The following CRIP2 variants were observed in gnomAD, a reference collection of about 807,000 sequenced individuals.
The protein encoded by CRIP2 is cysteine-rich protein 2.
CRIP2 carries 31 observed loss-of-function variants against 31.3 expected under a neutral mutation model. The observed-to-expected ratio is 0.99, with a 90% CI of 0.74 to 1.34. The LOEUF (loss-of-function observed/expected upper bound fraction) is 1.34, where lower values mean the gene tolerates loss of function less well. Ranked by LOEUF, CRIP2 falls within the 40% of genes most tolerant of loss-of-function variation. The pLI is 0.00. For missense variants in CRIP2, 389 were observed against 301.6 expected (o/e 1.29, Z -2.15); for synonymous variants, 177 against 127.2 (o/e 1.39, Z -2.63).
In CRIP2 at chr14:105,479,623, C is replaced by A. The variant is rs782806169; in HGVS notation, c.597C>A (p.Asp199Glu). The stretch of plus-strand genomic sequence containing the variant: ...GTGCGGTGGGCAGCTACATCTATGA[C>A]CGGGACCCCGAAGGCAAGGTCCAGC... ...NTGAVGSYIY[D>E]RDPEGKVQP Residue 199 changes from aspartate to glutamate, a missense_variant, in exon 8 of 8, where the codon GAC becomes GAA. Transcript: ENST00000329146. 1 of 1,612,708 alleles carries A rather than the reference C, an allele frequency of 6.2e-7. No individual in the cohort carries two copies. The highest frequency in any genetic ancestry group is 1.1e-5 in the South Asian group (1 of 91,070).
At chr14:105,475,292 G>A (rs2083908855) in intron 1 of CRIP2, 1 of 193,202 alleles carries the variant, frequency 5.2e-6, no homozygotes, top group Non-Finnish European at 1.1e-5. Context: ...CGTCCCGCGC[G>A]CTCCCGTGGG....
At position 105,478,644 on chromosome 14, in the gene CRIP2, C is replaced by G. The variant is rs2084008663; in HGVS notation, c.197-87C>G. On this transcript the variant is annotated intron_variant, in intron 3 of 7. Transcript: ENST00000329146. The surrounding 1 kb of genome is among the most constrained non-coding windows in gnomAD (Gnocchi z 4.9). ...GCCACCCTGGAAAGCCTAGTGCCCCCCAGTCCCCAGCGGGCCGTTTTCTGA... is the reference window on the plus strand; with the variant it reads ...GCCACCCTGGAAAGCCTAGTGCCCCGCAGTCCCCAGCGGGCCGTTTTCTGA... 1 of 1,477,636 alleles carries G rather than the reference C, an allele frequency of 6.8e-7. No individual in the cohort carries two copies. The allele number at this position is 1,477,636 out of a possible 1,614,324, so 91.5% of individuals were successfully genotyped here.
rs1247910037 is a variant in CRIP2, at chr14:105,478,166, G to C, written c.44-100G>C. 3 of 947,500 alleles carry C rather than the reference G, an allele frequency of 3.2e-6. No homozygotes were observed. In the African/African-American group the frequency reaches 5.3e-5, roughly 17 times the overall value. The allele number at this position is 947,500 out of a possible 1,614,324, so 58.7% of individuals were successfully genotyped here. A position where few individuals can be genotyped will look rare whatever the true frequency, so the allele number is the denominator to read the frequency against. ...GCGCCTGGGAGACCTCCTGAAAGTG[G>C]GGACCCCCGGAGCGCGTGGGGGTGG... On this transcript the variant is annotated intron_variant, in intron 1 of 7. Transcript: ENST00000329146. This position sits in a 1 kb window ranked among gnomAD's most constrained non-coding sequence, Gnocchi z 4.9.
rs1171311208 is a variant in CRIP2, at chr14:105,474,879, C to T, written c.17C>T (p.Pro6Leu). ...GCACCGACCATGGCCTCCAAATGCCCCAAGTGCGACAAGACCGTGTACTTC... is the reference window on the plus strand; with the variant it reads ...GCACCGACCATGGCCTCCAAATGCCTCAAGTGCGACAAGACCGTGTACTTC... MASKC[P>L]KCDKTVYFAE... The change falls in exon 1 of 8, where the codon CCC (proline) becomes CTC (leucine). Residue 6 changes from proline (P) to leucine (L), a missense_variant. Physicochemically the swap from Pro to Leu is moderately conservative, Grantham distance 98. Coordinates refer to ENST00000329146, the MANE Select transcript of CRIP2 (RefSeq NM_001312.4). The surrounding 1 kb of genome is among the most constrained non-coding windows in gnomAD (Gnocchi z 5.1). 6.6e-6 allele frequency: 10 copies of T among 1,518,860 alleles called. No homozygotes were observed. Among genetic ancestry groups the T allele is most frequent in the Middle Eastern group, 1.7e-4 (1 of 5,810 alleles). 94.1% of individuals were successfully genotyped at this position (1,518,860 alleles called of 1,614,324 possible).
Position 105,478,026 on chromosome 14 carries a change from T to C in CRIP2, c.44-240T>C, listed in dbSNP as rs969929191. 6.6e-6 allele frequency among the ~76,000 whole-genome samples: 1 copy of C among 151,474 alleles called. No individual in the cohort carries two copies. The highest frequency in any genetic ancestry group is 1.5e-5 in the Non-Finnish European group (1 of 67,814). On this transcript the variant is annotated intron_variant, in intron 1 of 7. Coordinates refer to ENST00000329146, the MANE Select transcript of CRIP2 (RefSeq NM_001312.4). This position sits in a 1 kb window ranked among gnomAD's most constrained non-coding sequence, Gnocchi z 4.9. ...CCCCGGGCCCCTTCTCAAAGGCGGCTCTAGCGGGGTTCCAGGGCTGGGGGC... is the reference window on the plus strand; with the variant it reads ...CCCCGGGCCCCTTCTCAAAGGCGGCCCTAGCGGGGTTCCAGGGCTGGGGGC...
In CRIP2 at chr14:105,479,487, C is replaced by G; in HGVS notation, c.553C>G (p.Pro185Ala). The G allele has an allele frequency of 6.2e-7, 1 of 1,612,988 alleles. No homozygotes were observed. Among genetic ancestry groups the G allele is most frequent in the Non-Finnish European group, 8.5e-7 (1 of 1,179,950 alleles). Residue 185 changes from proline (P) to alanine (A), a missense_variant, in exon 7 of 8, where the codon CCC (proline) becomes GCC (alanine). Transcript: ENST00000329146. ...GCCCTGCTATGGAATCCTCTTCGGA[C>G]CCAAGGGTGAGTGTAGCCAGGGTGG... is the stretch of plus-strand genomic sequence containing the variant. ...HKPCYGILFG[P>A]KGVNTGAVGS...
intron 1 of CRIP2, chr14:105,476,900 T>C: frequency 2.4e-6 from 1 of 419,592 alleles, no homozygotes; most frequent in Non-Finnish European, 3.2e-6. Context: ...CTCTACCTAG[T>C]AGGCCACCTG....
Position 105,474,921 on chromosome 14 carries a change from C to T in CRIP2, c.43+16C>T, listed in dbSNP as rs1555435414. 1.3e-6 allele frequency: 2 copies of T among 1,506,404 alleles called. No individual in the cohort carries two copies. Among genetic ancestry groups the T allele is most frequent in the Non-Finnish European group, 1.8e-6 (2 of 1,127,232 alleles). 93.3% of individuals were successfully genotyped at this position (1,506,404 alleles called of 1,614,324 possible). ...GTGTACTTCGGTGAGTGCGTGCCCG[C>T]TCCCGGCCCGCTCGGTGCATCCCGC... On this transcript the variant is annotated intron_variant, in intron 1 of 7. Transcript: ENST00000329146. The surrounding 1 kb of genome is among the most constrained non-coding windows in gnomAD (Gnocchi z 5.1).
In CRIP2 at chr14:105,479,915, A is replaced by C. The variant is rs2015672810; in HGVS notation, c.*262A>C. 2 of 534,912 alleles carry C rather than the reference A, an allele frequency of 3.7e-6. No homozygotes were observed. Among genetic ancestry groups the C allele is most frequent in the East Asian group, 3.2e-5 (1 of 31,648 alleles). 33.1% of individuals were successfully genotyped at this position (534,912 alleles called of 1,614,324 possible). On this transcript the variant is annotated 3_prime_UTR_variant, in exon 8 of 8. Coordinates refer to ENST00000329146, the MANE Select transcript of CRIP2 (RefSeq NM_001312.4). ...AATCCCCGTGTGACCCTGTCCCAGC[A>C]TTTTCCCGCCGACCCTGCGTGTCCC...
rs587762016 is a variant in CRIP2, at chr14:105,477,501, C to T, written c.44-765C>T. On this transcript the variant is annotated intron_variant, in intron 1 of 7. Coordinates refer to ENST00000329146, the MANE Select transcript of CRIP2 (RefSeq NM_001312.4). ...TGACTCAGCAGCGGGGTGCTGCCAG[C>T]CCCATCAGGGCCCAGTTGGTGGGGA... The T allele has an allele frequency of 2.9e-5, 29 of 984,652 alleles. 1 individual carries two copies. Among genetic ancestry groups the T allele is most frequent in the Middle Eastern group, 1.0e-3 (2 of 1,918 alleles). 61.0% of individuals were successfully genotyped at this position (984,652 alleles called of 1,614,324 possible). A position where few individuals can be genotyped will look rare whatever the true frequency, so the allele number is the denominator to read the frequency against.
intron 1 of CRIP2, 105 bp downstream of exon 1, chr14:105,475,010 G>A: frequency 8.1e-7 from 1 of 1,241,322 alleles, no homozygotes. Flanking sequence ...CCCGGCCCCG[G>A]CCCCGGACCG....
intron 1 of CRIP2, chr14:105,477,589 A>G: frequency 7.4e-6 from 7 of 943,872 alleles, no homozygotes; most frequent in Non-Finnish European, 8.6e-6. Flanking sequence ...AAGCAGGTGC[A>G]CTGCAGAGGC....
Position 105,478,983 on chromosome 14 carries a change from C to T in CRIP2, c.342C>T (p.Ser114=). The T allele has an allele frequency of 6.4e-7, 1 of 1,574,488 alleles. No homozygotes were observed. The highest frequency in any genetic ancestry group is 8.6e-7 in the Non-Finnish European group (1 of 1,164,690). ...SGPPKGPSRA[S]SVTTFTGEPN... is the part of the protein sequence containing the mutation. ...CCTGACTCGTGCGCCCCACAGCCTC[C>T]AGTGTCACCACTTTCACCGGGGAGC... The change falls in exon 5 of 8, where the codon TCC becomes TCT. Residue 114 remains serine (S), a synonymous_variant. Transcript: ENST00000329146. This position sits in a 1 kb window ranked among gnomAD's most constrained non-coding sequence, Gnocchi z 4.9.
rs146761375 is a variant in CRIP2, at chr14:105,478,883, G to T, written c.337+12G>T. ...GGGGCCCAGCAGAGGTGGGCTGGGC[G>T]CGGGCTGGGGCTGGGGGTTGTGGGC... On this transcript the variant is annotated intron_variant, in intron 4 of 7. Coordinates refer to ENST00000329146, the MANE Select transcript of CRIP2 (RefSeq NM_001312.4). This position sits in a 1 kb window ranked among gnomAD's most constrained non-coding sequence, Gnocchi z 4.9. The T allele has an allele frequency of 1.4e-6, 2 of 1,443,226 alleles. No homozygotes were observed. The highest frequency in any genetic ancestry group is 1.8e-6 in the Non-Finnish European group (2 of 1,108,744). The allele number at this position is 1,443,226 out of a possible 1,614,324, so 89.4% of individuals were successfully genotyped here.
rs1555436721 is a variant in CRIP2, at chr14:105,479,146, G to A, written c.428G>A (p.Gly143Asp). 1.9e-6 allele frequency: 3 copies of A among 1,611,684 alleles called. No homozygotes were observed. Among genetic ancestry groups the A allele is most frequent in the Non-Finnish European group, 2.5e-6 (3 of 1,179,534 alleles). Residue 143 changes from glycine to aspartate, a missense_variant, in exon 6 of 8, where the codon GGC becomes GAC. By Grantham distance (94) the Gly-to-Asp change is moderately conservative (BLOSUM62 -1). Transcript: ENST00000329146. ...VYFAEKVTSL[G>D]KDWHRPCLRC... ...CCAGCTGAGAAGGTGACGTCTCTGG[G>A]CAAGGATTGGCACCGGCCCTGCCTG... is the stretch of plus-strand genomic sequence containing the variant.
At chr14:105,477,545 G>A (rs1254199887) in intron 1 of CRIP2, 8 of 984,054 alleles carry the variant, frequency 8.1e-6, no homozygotes, top group Non-Finnish European at 9.6e-6. Flanking sequence ...GTGTCAGTGC[G>A]AGGCAGGTGT....
chr14:105,479,380 G>A (rs1213180582), intron 6 of CRIP2, 56 bp from the exon 7 acceptor site: 5 of 1,608,866 alleles, frequency 3.1e-6, no homozygotes, highest in Non-Finnish European at 4.2e-6. Context: ...AAGCCTCCAG[G>A]TGATGGGTCG....
rs373024866 is a variant in CRIP2 at position 105,479,054 on chromosome 14, G to A, written c.406+7G>A. The A allele has an allele frequency of 9.6e-5, 150 of 1,568,118 alleles. No individual in the cohort carries two copies. In the East Asian group the frequency reaches 1.8e-3, roughly 19 times the overall value. Reference sequence around the variant, plus strand: ...AGCAAGAAGGTGTACTTCGGTGAGTGCGCGCCCGGGCCCCGGACCCCCGCC... The same window carrying A: ...AGCAAGAAGGTGTACTTCGGTGAGTACGCGCCCGGGCCCCGGACCCCCGCC... On this transcript the variant is annotated splice_region_variant and intron_variant, in intron 5 of 7. Transcript: ENST00000329146.
At chr14:105,476,533 C>T (rs1225332124) in intron 1 of CRIP2, 5 of 985,410 alleles carry the variant, frequency 5.1e-6, no homozygotes, top group Non-Finnish European at 6.0e-6. Flanking sequence ...ATTCTGTGTT[C>T]CCAACTCGGA....
Sources: allele counts gnomAD v4.1 joint callset (sites outside exome capture counted in the v4.1 genomes callset), GRCh38; gene constraint gnomAD v4.1.1; non-coding constraint Gnocchi (gnomAD v3.1); transcripts MANE v1.5; gene names NCBI Gene and HGNC (gene_info 2026-07-23, HGNC 2026-07-21).